ELF1: variants seen among roughly 807,000 people sequenced by gnomAD.
ELF1 encodes the protein E74 like ETS transcription factor 1.
ELF1 carries 24 observed loss-of-function variants against 59.9 expected under a neutral mutation model. The observed-to-expected ratio is 0.40, with a 90% CI of 0.29 to 0.56. ELF1 has a LOEUF of 0.56. Among genes scored for constraint, ELF1 ranks in the 20% least tolerant of loss-of-function variants. ELF1 has a pLI of 0.44. For synonymous variants in ELF1, 248 were observed against 266.2 expected, an observed-to-expected ratio of 0.93 and a Z score of 0.67; for missense variants, 627 against 742.2, an observed-to-expected ratio of 0.84 and a Z score of 1.80.
Position 41,004,840 on chromosome 13 carries a change from C to T in ELF1, c.-229+14388G>A, listed in dbSNP as rs528949845. On this transcript the variant is annotated intron_variant, in intron 1 of 8. Coordinates refer to ENST00000239882, the MANE Select transcript of ELF1 (RefSeq NM_172373.4). ...TATATGTTCCTATTAGGTGCTGTAG[C>T]AAACATCTAATTGCCACCACATGAT... Among the ~76,000 whole-genome samples, 5 of 152,210 alleles carry T rather than the reference C, an allele frequency of 3.3e-5. No homozygotes were observed. In the South Asian group the frequency reaches 8.3e-4, roughly 25 times the overall value.
rs533356177 is a variant in ELF1, at chr13:41,035,552, T to G, written c.-229+25286A>C. Among the ~76,000 whole-genome samples the G allele has an allele frequency of 2.6e-5, 4 of 152,188 alleles. No homozygotes were observed. In the South Asian group the frequency reaches 8.3e-4, roughly 32 times the overall value. On this transcript the variant is annotated intron_variant, in intron 1 of 1. Transcript: ENST00000405737. Reference sequence around the variant, plus strand: ...CTCTGAACAGCTGGGTTAGGATGGGTATGGTAGCCCTGTTTAGGAATCAAG... The same window carrying G: ...CTCTGAACAGCTGGGTTAGGATGGGGATGGTAGCCCTGTTTAGGAATCAAG...
chr13:40,971,255 GT>G (rs1169620642), intron 2 of ELF1, among the ~76,000 whole-genome samples: 1 of 152,002 alleles, frequency 6.6e-6, no homozygotes, highest in Non-Finnish European at 1.5e-5. Context: ...AAACAAGTTT[GT>G]TTTCTTTTTC....
rs372505314 is a variant in ELF1 at position 40,956,259 on chromosome 13, A to G, written c.253+2577T>C. ...ATTCTTCTGCCTTGGGATCCTGTTG[A>G]TCTGTGACCTTACCCCCAACCCTGT... is the stretch of plus-strand genomic sequence containing the variant. On this transcript the variant is annotated intron_variant, in intron 3 of 8. Coordinates refer to ENST00000239882, the MANE Select transcript of ELF1 (RefSeq NM_172373.4). Among the ~76,000 whole-genome samples the G allele has an allele frequency of 3.0e-4, 46 of 151,812 alleles. 2 individuals carry two copies. The East Asian group carries it at 6.4e-3, about 21-fold the overall frequency.
intron 2 of ELF1, among the ~76,000 whole-genome samples, chr13:40,964,576 C>T (rs1031048389): frequency 6.6e-6 from 1 of 152,058 alleles, no homozygotes; most frequent in Non-Finnish European, 1.5e-5. Context: ...CCTCTGTCAC[C>T]TAGGCTGGAG....
Position 40,941,326 on chromosome 13 carries a change from C to A in ELF1, c.851G>T (p.Arg284Leu). The stretch of plus-strand genomic sequence containing the variant: ...CATTTCTTTAAACTGATACACCAAG[C>A]GCTGACCTTCCACTTTTGCCAGAAT... ...RGILAKVEGQRLVYQFKEMPK... is the reference protein window; with the variant it reads ...RGILAKVEGQLLVYQFKEMPK... Residue 284 changes from arginine (R) to leucine (L), a missense_variant, in exon 8 of 9, where the codon CGC (arginine) becomes CTC (leucine). By Grantham distance (102) the Arg-to-Leu change is moderately radical. Around this residue, in one of 3 missense-constraint regions of ELF1, gnomAD observed 361 missense variants for 396.1 expected, o/e 0.91. Transcript: ENST00000239882. 6.2e-7 allele frequency: 1 copy of A among 1,610,000 alleles called. No homozygotes were observed. The highest frequency in any genetic ancestry group is 8.5e-7 in the Non-Finnish European group (1 of 1,179,004).
intron 1 of ELF1, among the ~76,000 whole-genome samples, chr13:41,046,765 A>AG (rs1169756258): frequency 2.0e-5 from 3 of 152,058 alleles, no homozygotes; most frequent in Non-Finnish European, 4.4e-5. Flanking sequence ...TATGTGTCTT[A>AG]GAGTTGCTCT....
intron 1 of ELF1, among the ~76,000 whole-genome samples, chr13:41,050,814 G>A: frequency 6.6e-6 from 1 of 152,194 alleles, no homozygotes; most frequent in East Asian, 1.9e-4. Flanking sequence ...CTCCCAAAGT[G>A]CTGGGACTAC....
At chr13:41,038,066 T>TAAAAAAAAAA in intron 1 of ELF1, among the ~76,000 whole-genome samples, 1 of 126,608 alleles carries the variant, frequency 7.9e-6, no homozygotes, top group Non-Finnish European at 1.6e-5. Flanking sequence ...GAAGAAACCT[T>TAAAAAAAAAA]AAAAAAAAAA....
chr13:41,052,758 AAAGT>A (rs1877135598), intron 1 of ELF1, among the ~76,000 whole-genome samples: 1 of 152,188 alleles, frequency 6.6e-6, no homozygotes, highest in African/African-American at 2.4e-5. Flanking sequence ...TAAATTTAAG[AAAGT>A]AAGCTACTTT....
At chr13:41,014,247 G>A (rs570186340) in intron 1 of ELF1, among the ~76,000 whole-genome samples, 142 of 152,280 alleles carry the variant, frequency 9.3e-4, no homozygotes, top group African/African-American at 3.3e-3. Context: ...TGAATGGTGT[G>A]CATATATCAC....
chr13:41,029,264 C>A (rs1291577458), intron 1 of ELF1, among the ~76,000 whole-genome samples: 2 of 152,178 alleles, frequency 1.3e-5, no homozygotes, highest in African/African-American at 4.8e-5. Flanking sequence ...GCCAAGTTGA[C>A]AAGGGGTGGA....
In ELF1 at chr13:40,933,842, T is replaced by C; in HGVS notation, c.1443A>G (p.Lys481=). The change falls in exon 9 of 9, where the codon AAA becomes AAG. Residue 481 remains lysine, a synonymous_variant. Coordinates refer to ENST00000239882, the MANE Select transcript of ELF1 (RefSeq NM_172373.4). ...TTTGTGACTGCAGCATGACATTTTCTTTCAGTACTGTCATGGGCTGTGATG... is the reference window on the plus strand; with the variant it reads ...TTTGTGACTGCAGCATGACATTTTCCTTCAGTACTGTCATGGGCTGTGATG... The part of the protein sequence containing the change: ...IPSSQPMTVL[K]ENVMLQSQKA... 1 of 1,614,252 alleles carries C rather than the reference T, an allele frequency of 6.2e-7. No homozygotes were observed. The highest frequency in any genetic ancestry group is 8.5e-7 in the Non-Finnish European group (1 of 1,180,052).
rs1870832041 is a variant in ELF1 at position 40,951,314 on chromosome 13, A to G, written c.361+15T>C. On this transcript the variant is annotated intron_variant, in intron 4 of 8. Transcript: ENST00000239882. ...TTAACAAAGTACATAAACATAAACA[A>G]TCATAATCACTCACTTATTCGTTTT... 21 of 1,593,050 alleles carry G rather than the reference A, an allele frequency of 1.3e-5. No individual in the cohort carries two copies. The highest frequency in any genetic ancestry group is 1.7e-5 in the Non-Finnish European group (20 of 1,163,772).
chr13:40,997,227 T>G (rs1874170874), intron 1 of ELF1, among the ~76,000 whole-genome samples: 1 of 152,124 alleles, frequency 6.6e-6, no homozygotes, highest in Non-Finnish European at 1.5e-5. Context: ...GTTTTCACAG[T>G]CTACCTCTTT....
intron 1 of ELF1, among the ~76,000 whole-genome samples, chr13:40,999,707 T>G (rs1037899597): frequency 2.6e-5 from 4 of 152,182 alleles, no homozygotes; most frequent in Admixed American, 1.3e-4. Context: ...CATTGAAAAC[T>G]TCGCATCACC....
chr13:41,030,700 G>A (rs372120488), intron 1 of ELF1, among the ~76,000 whole-genome samples: 1 of 151,494 alleles, frequency 6.6e-6, no homozygotes, highest in Non-Finnish European at 1.5e-5. Flanking sequence ...GCAGTGAACC[G>A]TGATCATGCC....
intron 1 of ELF1, among the ~76,000 whole-genome samples, chr13:40,985,108 T>C (rs566631970): frequency 6.6e-6 from 1 of 152,324 alleles, no homozygotes; most frequent in South Asian, 2.1e-4. Flanking sequence ...GTCCACAAAC[T>C]GAAAATGTGT....
At chr13:40,969,727 G>T (rs1251695120) in intron 2 of ELF1, among the ~76,000 whole-genome samples, 1 of 152,094 alleles carries the variant, frequency 6.6e-6, no homozygotes, top group African/African-American at 2.4e-5. Flanking sequence ...TTTTAAGACA[G>T]GGTCTCTGTC....
intron 8 of ELF1, among the ~76,000 whole-genome samples, chr13:40,937,480 T>A (rs1055268214): frequency 1.8e-4 from 27 of 152,044 alleles, no homozygotes; most frequent in African/African-American, 6.3e-4. Context: ...GAGCTGAAAA[T>A]TTTTTTTGAG....
Sources: gnomAD v4.1 joint callset for allele counts (sites outside exome capture counted in the v4.1 genomes callset) on GRCh38, gnomAD v4.1.1 for gene constraint, gnomAD v4.1.1 regional missense constraint, MANE v1.5 for transcripts, NCBI Gene and HGNC (gene_info 2026-07-23, HGNC 2026-07-21) for gene names.